The following ZNF536 variants were observed in gnomAD, a reference collection of about 807,000 sequenced individuals.
ZNF536 encodes zinc finger protein 536.
Under a neutral mutation model 84.5 loss-of-function variants are expected in ZNF536, and 13 were observed. The observed-to-expected ratio is 0.15, with a 90% CI of 0.10 to 0.24. The LOEUF (loss-of-function observed/expected upper bound fraction) is 0.24. ZNF536 is among the 10% of genes least tolerant of loss of function. The pLI is 1.00. For missense variants in ZNF536, 1,536 were observed against 1,747.5 expected, an observed-to-expected ratio of 0.88 and a Z score of 2.16; for synonymous variants, 811 against 742.5, an observed-to-expected ratio of 1.09 and a Z score of -1.50.
intron 2 of ZNF536, among the ~76,000 whole-genome samples, chr19:30,284,747 T>G: frequency 6.6e-6 from 1 of 152,220 alleles, no homozygotes; most frequent in Non-Finnish European, 1.5e-5. Flanking sequence ...TAACTCACCC[T>G]CGGTTGTAAT....
At chr19:30,469,132 T>TGACCGGGC in intron 2 of ZNF536, among the ~76,000 whole-genome samples, 1 of 152,108 alleles carries the variant, frequency 6.6e-6, no homozygotes, top group African/African-American at 2.4e-5. Flanking sequence ...AAGAAAGGAA[T>TGACCGGGC]GACCGGGCAC....
chr19:30,516,263 G>A (rs955982544), intron 2 of ZNF536, among the ~76,000 whole-genome samples: 2 of 152,130 alleles, frequency 1.3e-5, no homozygotes, highest in African/African-American at 4.8e-5. Context: ...GGACCCAGGT[G>A]CCTCCTTTGC....
intron 2 of ZNF536, among the ~76,000 whole-genome samples, chr19:30,334,800 G>A (rs951358772): frequency 6.6e-6 from 1 of 152,208 alleles, no homozygotes; most frequent in African/African-American, 2.4e-5. Context: ...GGATGGAGTG[G>A]ATGGATGGTT....
At chr19:30,338,049 G>A (rs1247208046) in intron 2 of ZNF536, among the ~76,000 whole-genome samples, 1 of 150,492 alleles carries the variant, frequency 6.6e-6, no homozygotes, top group Admixed American at 6.6e-5. Context: ...GGTGATGATG[G>A]TGGTGATGAT....
intron 1 of ZNF536, among the ~76,000 whole-genome samples, chr19:30,669,526 G>A (rs1279236185): frequency 1.3e-5 from 2 of 152,214 alleles, no homozygotes; most frequent in Admixed American, 6.5e-5. Context: ...GCAGGCAGGC[G>A]GAGGGGTCCC....
chr19:30,465,273 C>T (rs1287084170), intron 2 of ZNF536, among the ~76,000 whole-genome samples: 2 of 152,162 alleles, frequency 1.3e-5, no homozygotes, highest in Non-Finnish European at 2.9e-5. Context: ...CTGTTACTGG[C>T]TTCATCTCAC....
At chr19:30,304,346 C>T (rs2046283364) in intron 2 of ZNF536, among the ~76,000 whole-genome samples, 1 of 152,236 alleles carries the variant, frequency 6.6e-6, no homozygotes, top group South Asian at 2.1e-4. Context: ...CTGATGGATC[C>T]TTCTTAAGGC....
chr19:30,422,938 C>T (rs1208863002), intron 1 of ZNF536, among the ~76,000 whole-genome samples: 2 of 131,802 alleles, frequency 1.5e-5, no homozygotes, highest in African/African-American at 5.7e-5. Context: ...TCTACACATC[C>T]ATCCATCCAA....
intron 2 of ZNF536, among the ~76,000 whole-genome samples, chr19:30,331,457 A>C (rs2047209993): frequency 6.6e-6 from 1 of 151,896 alleles, no homozygotes; most frequent in Non-Finnish European, 1.5e-5. Flanking sequence ...TGACTTGAGG[A>C]GATCTCTTGT....
Position 30,235,838 on chromosome 19 carries a change from G to A in ZNF536, c.-190+7165G>A, listed in dbSNP as rs79678259. Among the ~76,000 whole-genome samples the A allele has an allele frequency of 2.4e-4, 36 of 152,300 alleles. 1 individual carries two copies. In the East Asian group the frequency reaches 6.4e-3, roughly 27 times the overall value. On this transcript the variant is annotated intron_variant, in intron 1 of 5. Coordinates refer to the ZNF536 transcript ENST00000585628. ...AGTGCTTTAATTATTTTGCTTCCCCGGCCAGGGCCCCCAGTTTTGGGGTTG... is the reference window on the plus strand; with the variant it reads ...AGTGCTTTAATTATTTTGCTTCCCCAGCCAGGGCCCCCAGTTTTGGGGTTG...
chr19:30,693,983 G>GC (rs1278949347), intron 1 of ZNF536, among the ~76,000 whole-genome samples: 2 of 152,040 alleles, frequency 1.3e-5, no homozygotes, highest in African/African-American at 4.8e-5. Flanking sequence ...AACCCATATG[G>GC]CCCCCCCAAC....
chr19:30,509,247 A>AAT (rs34975950), intron 2 of ZNF536, among the ~76,000 whole-genome samples: 14,270 of 148,362 alleles, frequency 0.096, 952 homozygotes, highest in Non-Finnish European at 0.15. Context: ...CAATATGTAT[A>AAT]ATATATATAA....
intron 2 of ZNF536, among the ~76,000 whole-genome samples, chr19:30,511,170 G>A (rs565844539): frequency 1.3e-5 from 2 of 152,136 alleles, no homozygotes; most frequent in African/African-American, 4.8e-5. Flanking sequence ...GTGGCTTGGC[G>A]AGGCTTTTTC....
At chr19:30,616,898 C>A (rs1427880872) in intron 1 of ZNF536, among the ~76,000 whole-genome samples, 1 of 151,904 alleles carries the variant, frequency 6.6e-6, no homozygotes, top group African/African-American at 2.4e-5. Flanking sequence ...ACCCTTTTCA[C>A]AAAAAGGCAT....
At chr19:30,502,954 A>G (rs1379344891) in intron 2 of ZNF536, among the ~76,000 whole-genome samples, 2 of 152,188 alleles carry the variant, frequency 1.3e-5, no homozygotes, top group Non-Finnish European at 2.9e-5. Context: ...AAATAGAAGT[A>G]TTTTTATAAT....
chr19:30,602,978 G>A (rs1046859424), intron 1 of ZNF536, among the ~76,000 whole-genome samples: 1 of 152,154 alleles, frequency 6.6e-6, no homozygotes, highest in Non-Finnish European at 1.5e-5. Flanking sequence ...GAGATTAGAC[G>A]CCAGAGTGAG....
At chr19:30,434,380 G>A (rs751056795) in intron 1 of ZNF536, among the ~76,000 whole-genome samples, 1 of 152,150 alleles carries the variant, frequency 6.6e-6, no homozygotes, top group South Asian at 2.1e-4. Flanking sequence ...TGCGTCTTCT[G>A]TTCCTTGGCC....
At chr19:30,436,566 T>A (rs1385791792) in intron 1 of ZNF536, 1 of 944,066 alleles carries the variant, frequency 1.1e-6, no homozygotes, top group East Asian at 1.2e-4. Context: ...TGTTTACAGC[T>A]GTTTAATGAC....
intron 1 of ZNF536, among the ~76,000 whole-genome samples, chr19:30,229,792 AC>A (rs2022895689): frequency 6.6e-6 from 1 of 152,054 alleles, no homozygotes; most frequent in African/African-American, 2.4e-5. Flanking sequence ...CAAATGCAGA[AC>A]CGCCGAGCCC....
Sources: gnomAD v4.1 joint callset for allele counts (sites outside exome capture counted in the v4.1 genomes callset) on GRCh38, gnomAD v4.1.1 for gene constraint, MANE v1.5 for transcripts, NCBI Gene and HGNC (gene_info 2026-07-23, HGNC 2026-07-21) for gene names.